PPP1R9A: variants seen among roughly 807,000 people sequenced by gnomAD.
PPP1R9A encodes the protein protein phosphatase 1 regulatory subunit 9A, also known as neurabin-1.
PPP1R9A carries 59 observed loss-of-function variants against 141.9 expected under a neutral mutation model. That is an observed-to-expected ratio of 0.42 (90% CI 0.34 to 0.52). PPP1R9A has a LOEUF of 0.52. PPP1R9A is among the 20% of genes least tolerant of loss of function. PPP1R9A has a pLI of 0.10. For synonymous variants in PPP1R9A, 500 were observed against 569.7 expected (o/e 0.88, Z 1.74); for missense variants, 1,444 against 1,611.9 (o/e 0.90, Z 1.78).
chr7:94,913,062 G>A (rs570169971), intron 2 of PPP1R9A, among the ~76,000 whole-genome samples: 4 of 152,250 alleles, frequency 2.6e-5, no homozygotes, highest in African/African-American at 9.6e-5. Flanking sequence ...CATTGAGAAA[G>A]GCAGGAATAA....
chr7:95,287,081 C>T, intron 18 of PPP1R9A: 1 of 1,601,362 alleles, frequency 6.2e-7, no homozygotes, highest in Non-Finnish European at 8.6e-7. Context: ...CACTTTTCTT[C>T]TTGATTCTTT....
At chr7:94,919,235 T>C (rs904629018) in intron 2 of PPP1R9A, among the ~76,000 whole-genome samples, 4 of 151,752 alleles carry the variant, frequency 2.6e-5, no homozygotes, top group African/African-American at 9.7e-5. Context: ...GCACAAGGGA[T>C]CTTCCTGCCC....
intron 8 of PPP1R9A, among the ~76,000 whole-genome samples, chr7:95,238,280 A>G (rs1275280525): frequency 6.6e-6 from 1 of 152,118 alleles, no homozygotes; most frequent in African/African-American, 2.4e-5. Flanking sequence ...TTAATTCACT[A>G]TTATCTCTGG....
At chr7:95,227,263 C>T (rs77070761) in intron 8 of PPP1R9A, among the ~76,000 whole-genome samples, 96 of 152,256 alleles carry the variant, frequency 6.3e-4, no homozygotes, top group African/African-American at 2.2e-3. Context: ...TATTCCCTGG[C>T]GAAAGCCTAT....
At chr7:95,035,776 A>G (rs1285572597) in intron 2 of PPP1R9A, 1 of 152,186 alleles carries the variant, frequency 6.6e-6, no homozygotes, top group Admixed American at 6.5e-5. Context: ...AAAACCTTGC[A>G]TTCTTTTTAG....
At chr7:95,279,378 T>G (rs948298655) in intron 16 of PPP1R9A, among the ~76,000 whole-genome samples, 1 of 152,236 alleles carries the variant, frequency 6.6e-6, no homozygotes, top group South Asian at 2.1e-4. Context: ...TGTGTGTGAG[T>G]AGAAAAACAC....
chr7:94,948,647 C>T (rs1054153201), intron 2 of PPP1R9A, among the ~76,000 whole-genome samples: 1 of 152,118 alleles, frequency 6.6e-6, no homozygotes, highest in Non-Finnish European at 1.5e-5. Flanking sequence ...CCTCTCTTTC[C>T]AAGTTACATG....
intron 2 of PPP1R9A, among the ~76,000 whole-genome samples, chr7:94,977,663 T>C (rs1563072790): frequency 6.6e-6 from 1 of 152,070 alleles, no homozygotes; most frequent in Non-Finnish European, 1.5e-5. Context: ...GAGAGGATGG[T>C]TGGGATATGA....
intron 4 of PPP1R9A, among the ~76,000 whole-genome samples, chr7:95,149,845 A>G (rs568551314): frequency 6.6e-6 from 1 of 151,974 alleles, no homozygotes; most frequent in Admixed American, 6.6e-5. Context: ...GTGTATATCA[A>G]CAAATTGATT....
intron 4 of PPP1R9A, among the ~76,000 whole-genome samples, chr7:95,132,191 G>A (rs1022171147): frequency 3.2e-4 from 49 of 152,194 alleles, no homozygotes; most frequent in Admixed American, 3.2e-3. Context: ...TCTCTTACCT[G>A]ATTGCTCTGG....
At chr7:95,198,280 G>A (rs1465988528) in intron 5 of PPP1R9A, 69 bp from the exon 6 acceptor site, 2 of 1,448,734 alleles carry the variant, frequency 1.4e-6, no homozygotes, top group African/African-American at 1.4e-5. Context: ...GATCAAACCT[G>A]TTTACTTTTC....
intron 5 of PPP1R9A, among the ~76,000 whole-genome samples, chr7:95,191,595 AT>A (rs1424523113): frequency 6.6e-6 from 1 of 152,116 alleles, no homozygotes; most frequent in Non-Finnish European, 1.5e-5. Flanking sequence ...GTCCAAGGTA[AT>A]TTTGTTTAAC....
At chr7:95,030,328 A>G (rs147383340) in intron 2 of PPP1R9A, among the ~76,000 whole-genome samples, 2,288 of 152,296 alleles carry the variant, frequency 0.015, 31 homozygotes, top group Non-Finnish European at 0.021. Context: ...TTCAAATGTT[A>G]TCTTAGTTCA....
At chr7:95,134,376 T>C (rs1256640573) in intron 4 of PPP1R9A, among the ~76,000 whole-genome samples, 5 of 152,248 alleles carry the variant, frequency 3.3e-5, no homozygotes, top group Middle Eastern at 6.8e-3. Flanking sequence ...CATGCTGGGC[T>C]TAAAACCTAG....
At chr7:94,920,533 T>G (rs1330694264) in intron 2 of PPP1R9A, among the ~76,000 whole-genome samples, 2 of 152,216 alleles carry the variant, frequency 1.3e-5, no homozygotes, top group African/African-American at 4.8e-5. Flanking sequence ...TTGGTATTTT[T>G]AAAAAGTATT....
intron 4 of PPP1R9A, among the ~76,000 whole-genome samples, chr7:95,131,640 CT>C (rs561350935): frequency 0.018 from 2,444 of 139,650 alleles, 29 homozygotes; most frequent in African/African-American, 0.033. Context: ...TGAATTTTAA[CT>C]TTTTTTTTTT....
chr7:94,949,270 C>T (rs1006586129), intron 2 of PPP1R9A, among the ~76,000 whole-genome samples: 33 of 152,094 alleles, frequency 2.2e-4, no homozygotes, highest in Non-Finnish European at 5.9e-5. Flanking sequence ...TCAAAACTCT[C>T]ATATGCCTTT....
At chr7:95,180,606 G>T (rs938598028) in intron 5 of PPP1R9A, among the ~76,000 whole-genome samples, 1 of 152,014 alleles carries the variant, frequency 6.6e-6, no homozygotes, top group Non-Finnish European at 1.5e-5. Context: ...CAGAGTGGGA[G>T]AAAATCTTTG....
intron 8 of PPP1R9A, among the ~76,000 whole-genome samples, chr7:95,233,933 T>C (rs1000625505): frequency 1.6e-4 from 25 of 152,198 alleles, no homozygotes; most frequent in African/African-American, 5.1e-4. Flanking sequence ...AAAAATCACA[T>C]GGTCATCTCA....
Sources: allele counts gnomAD v4.1 joint callset (sites outside exome capture counted in the v4.1 genomes callset), GRCh38; gene constraint gnomAD v4.1.1; transcripts MANE v1.5; gene names NCBI Gene and HGNC (gene_info 2026-07-23, HGNC 2026-07-21).